Variants in METTL21A observed in about 807,000 individuals in gnomAD.
METTL21A encodes protein N-lysine methyltransferase METTL21A.
In METTL21A, 22 loss-of-function variants were observed where a neutral mutation model predicts 20.9. The ratio of observed to expected loss-of-function variants is 1.05; its 90% CI spans 0.75 to 1.50. METTL21A has a LOEUF of 1.50. METTL21A is among the 40% of genes most tolerant of loss of function. METTL21A has a pLI of 0.00. For synonymous variants in METTL21A, 93 were observed against 102.0 expected (o/e 0.91, Z 0.53); for missense variants, 271 against 266.8 (o/e 1.02, Z -0.11).
chr2:207,603,297 AGT>A (rs1267928546), intron 3 of METTL21A: 7 of 222,924 alleles, frequency 3.1e-5, no homozygotes, highest in African/African-American at 1.6e-4. Flanking sequence ...TGTATATTAA[AGT>A]GATCCTTGTG....
At chr2:207,620,789 AGC>A (rs1166544264) in intron 3 of METTL21A, 1 of 1,156,146 alleles carries the variant, frequency 8.6e-7, no homozygotes, top group Non-Finnish European at 1.2e-6. Flanking sequence ...GGAAAGCAGC[AGC>A]TAAGCAGAAA....
At chr2:207,592,918 G>GAAAAAAAAAAAGAAAAAAAAT (rs1034475253) in intron 3 of METTL21A, among the ~76,000 whole-genome samples, 1 of 151,822 alleles carries the variant, frequency 6.6e-6, no homozygotes, top group Admixed American at 6.6e-5. Flanking sequence ...TCTCAAAAAA[G>GAAAAAAAAAAAGAAAAAAAAT]AAAAGAAAAT....
chr2:207,601,280 G>T (rs572132641), intron 3 of METTL21A: 1 of 185,072 alleles, frequency 5.4e-6, no homozygotes, highest in African/African-American at 2.3e-5. Flanking sequence ...ACCCAGTTTG[G>T]GTATTAGCAA....
intron 3 of METTL21A, among the ~76,000 whole-genome samples, chr2:207,614,240 A>G (rs956032042): frequency 1.3e-4 from 20 of 152,120 alleles, no homozygotes; most frequent in African/African-American, 4.1e-4. Context: ...ATCTCTACAA[A>G]TAATTTTTTT....
intron 3 of METTL21A, among the ~76,000 whole-genome samples, chr2:207,588,507 C>T (rs1274004161): frequency 6.6e-6 from 1 of 152,060 alleles, no homozygotes; most frequent in African/African-American, 2.4e-5. Flanking sequence ...ATTCTGGTTC[C>T]TTTGCACTTT....
At chr2:207,597,576 C>T (rs1312653737) in intron 3 of METTL21A, 1 of 209,158 alleles carries the variant, frequency 4.8e-6, no homozygotes, top group Non-Finnish European at 9.7e-6. Flanking sequence ...AGAGACATAC[C>T]CTCTAAAAAA....
rs191403818 is a variant in METTL21A at position 207,593,897 on chromosome 2, T to G, written c.260-11737A>C. ...CCATCCCCAGCTAATTTTTGTATTT[T>G]TAGTAGAGACAGAGTTTCGCCATGT... On this transcript the variant is annotated intron_variant, in intron 3 of 3. Transcript: ENST00000425132. Among the ~76,000 whole-genome samples, 12 of 152,112 alleles carry G rather than the reference T, an allele frequency of 7.9e-5. No homozygotes were observed. The East Asian group carries it at 1.9e-3, about 25-fold the overall frequency.
intron 3 of METTL21A, chr2:207,600,026 T>A (rs887272099): frequency 5.3e-6 from 1 of 189,484 alleles, no homozygotes; most frequent in East Asian, 8.4e-5. Flanking sequence ...ATTACTCTTA[T>A]GAGTTTTCAA....
At chr2:207,620,768 T>C in intron 3 of METTL21A, 2 of 1,391,054 alleles carry the variant, frequency 1.4e-6, no homozygotes, top group East Asian at 5.1e-5. Flanking sequence ...CCATGCTCCC[T>C]GTCGAATTTT....
upstream of METTL21A, chr2:207,625,803 C>G (rs1464577401): frequency 1.3e-5 from 2 of 152,288 alleles, no homozygotes; most frequent in Non-Finnish European, 1.5e-5. Context: ...GGAGACAGCT[C>G]GCTCCGAAGA....
downstream of METTL21A, among the ~76,000 whole-genome samples, chr2:207,608,654 G>A (rs1575100065): frequency 6.6e-6 from 1 of 152,144 alleles, no homozygotes; most frequent in Admixed American, 6.5e-5. Context: ...GAACTCTGCC[G>A]GGCGCGGTGG....
intron 3 of METTL21A, among the ~76,000 whole-genome samples, chr2:207,595,327 A>C (rs1179390211): frequency 6.6e-6 from 1 of 151,744 alleles, no homozygotes; most frequent in African/African-American, 2.4e-5. Context: ...CCATTTATAT[A>C]TCTCTGGAGA....
intron 3 of METTL21A, among the ~76,000 whole-genome samples, chr2:207,619,349 A>G (rs2090194882): frequency 6.6e-6 from 1 of 152,130 alleles, no homozygotes; most frequent in African/African-American, 2.4e-5. Context: ...AAGAGAATAT[A>G]CTTTAAAAAG....
chr2:207,606,307 C>T (rs545601454), downstream of METTL21A, among the ~76,000 whole-genome samples: 16 of 152,110 alleles, frequency 1.1e-4, no homozygotes, highest in Non-Finnish European at 2.2e-4. Flanking sequence ...ATGGTGAAAC[C>T]TCATCTCTAC....
At chr2:207,601,647 A>G (rs2087073332) in intron 3 of METTL21A, 1 of 211,728 alleles carries the variant, frequency 4.7e-6, no homozygotes. Context: ...AGAATAGTAC[A>G]AGACTTTTTA....
intron 3 of METTL21A, among the ~76,000 whole-genome samples, chr2:207,620,409 C>T (rs2090348230): frequency 6.6e-6 from 1 of 151,856 alleles, no homozygotes; most frequent in African/African-American, 2.4e-5. Context: ...TGCCACTGCA[C>T]TCCAGCCTGG....
chr2:207,595,917 TCTC>T (rs2086070193), intron 3 of METTL21A, among the ~76,000 whole-genome samples: 2 of 152,218 alleles, frequency 1.3e-5, no homozygotes, highest in African/African-American at 2.4e-5. Flanking sequence ...AGATATTTCT[TCTC>T]ATTCTGTAGG....
At chr2:207,606,317 C>G (rs566499345), downstream of METTL21A, among the ~76,000 whole-genome samples, 1 of 152,192 alleles carries the variant, frequency 6.6e-6, no homozygotes, top group African/African-American at 2.4e-5. Context: ...CTCATCTCTA[C>G]TAAAAAATAC....
chr2:207,591,309 T>G (rs1454428702), intron 3 of METTL21A, among the ~76,000 whole-genome samples: 1 of 152,262 alleles, frequency 6.6e-6, no homozygotes, highest in East Asian at 1.9e-4. Context: ...TTTAGAATTA[T>G]GTCTTCTTAG....
Sources: allele counts gnomAD v4.1 joint callset (sites outside exome capture counted in the v4.1 genomes callset), GRCh38; gene constraint gnomAD v4.1.1; transcripts MANE v1.5; gene names NCBI Gene and HGNC (gene_info 2026-07-23, HGNC 2026-07-21).